GPC6: variants seen among roughly 807,000 people sequenced by gnomAD.
The protein encoded by GPC6 is glypican 6.
In GPC6, 14 loss-of-function variants were observed where a neutral mutation model predicts 55.2. That is an observed-to-expected ratio of 0.25 (90% confidence interval 0.17 to 0.40). The LOEUF is 0.40. GPC6 is among the 10% of genes least tolerant of loss of function. The probability of loss-of-function intolerance (pLI) is 1.00; values close to 1 mark genes in which losing one functional copy is unlikely to be tolerated. For missense variants in GPC6, 641 were observed against 708.5 expected, an observed-to-expected ratio of 0.90 and a Z score of 1.08; for synonymous variants, 278 against 259.6, an observed-to-expected ratio of 1.07 and a Z score of -0.68.
intron 1 of GPC6, among the ~76,000 whole-genome samples, chr13:93,502,538 AC>A (rs1880560827): frequency 6.6e-6 from 1 of 152,138 alleles, no homozygotes; most frequent in Non-Finnish European, 1.5e-5. Flanking sequence ...ATGTGAAATT[AC>A]CAAGATGTGT....
intron 4 of GPC6, among the ~76,000 whole-genome samples, chr13:94,065,140 C>T (rs904510065): frequency 4.6e-5 from 7 of 152,184 alleles, no homozygotes; most frequent in East Asian, 1.9e-4. Context: ...AATCCTCACA[C>T]GGCTTTGTAG....
intron 1 of GPC6, among the ~76,000 whole-genome samples, chr13:93,246,723 C>T (rs925385320): frequency 2.0e-4 from 25 of 124,892 alleles, no homozygotes; most frequent in Admixed American, 1.3e-3. Flanking sequence ...ACCCCAGAGG[C>T]GGAGCTTGCA....
At chr13:93,996,979 GA>G (rs979192335) in intron 3 of GPC6, among the ~76,000 whole-genome samples, 1 of 152,134 alleles carries the variant, frequency 6.6e-6, no homozygotes, top group Non-Finnish European at 1.5e-5. Flanking sequence ...CCTCATGAGT[GA>G]AATAATGGAA....
chr13:94,140,393 G>A (rs1410384483), intron 4 of GPC6, among the ~76,000 whole-genome samples: 1 of 152,160 alleles, frequency 6.6e-6, no homozygotes, highest in Non-Finnish European at 1.5e-5. Context: ...AGTTGCATAT[G>A]CCATGTTTAA....
intron 1 of GPC6, among the ~76,000 whole-genome samples, chr13:93,415,031 C>T (rs776711562): frequency 2.0e-5 from 3 of 152,070 alleles, no homozygotes; most frequent in South Asian, 2.1e-4. Flanking sequence ...TGATAGCCTC[C>T]GGGGCTTTTT....
At chr13:94,103,642 A>G (rs1885946863) in intron 4 of GPC6, among the ~76,000 whole-genome samples, 2 of 152,152 alleles carry the variant, frequency 1.3e-5, no homozygotes, top group African/African-American at 4.8e-5. Context: ...AGCAGTGATG[A>G]TGAGCATTTT....
chr13:93,814,628 A>G (rs1886793033), intron 2 of GPC6, among the ~76,000 whole-genome samples: 1 of 152,226 alleles, frequency 6.6e-6, no homozygotes, highest in Non-Finnish European at 1.5e-5. Flanking sequence ...CTGAACCAGA[A>G]CCTGGCTTGG....
intron 7 of GPC6, among the ~76,000 whole-genome samples, chr13:94,389,044 T>A (rs1880532217): frequency 6.6e-6 from 1 of 152,340 alleles, no homozygotes; most frequent in East Asian, 1.9e-4. Flanking sequence ...CAGGAGCAAG[T>A]GTAATTTCTA....
chr13:93,839,423 C>T (rs1421003609), intron 3 of GPC6, among the ~76,000 whole-genome samples: 2 of 152,018 alleles, frequency 1.3e-5, no homozygotes, highest in Admixed American at 6.6e-5. Flanking sequence ...TATGTGTGAG[C>T]GGCATATTAG....
chr13:94,250,190 C>G (rs998547877), intron 4 of GPC6, among the ~76,000 whole-genome samples: 1 of 152,108 alleles, frequency 6.6e-6, no homozygotes, highest in African/African-American at 2.4e-5. Context: ...GAATGTGCAG[C>G]AAACACTTTA....
intron 8 of GPC6, among the ~76,000 whole-genome samples, chr13:94,401,570 C>T (rs184836699): frequency 4.6e-5 from 7 of 152,126 alleles, no homozygotes; most frequent in Admixed American, 1.3e-4. Context: ...TGTCAAGGGC[C>T]GTATATTAAA....
intron 3 of GPC6, among the ~76,000 whole-genome samples, chr13:93,955,287 A>C (rs556314140): frequency 7.4e-6 from 1 of 135,396 alleles, no homozygotes; most frequent in South Asian, 2.4e-4. Context: ...ACACACACAC[A>C]CCTGCCAAAC....
At chr13:93,902,203 T>C (rs746511221) in intron 3 of GPC6, among the ~76,000 whole-genome samples, 1 of 152,050 alleles carries the variant, frequency 6.6e-6, no homozygotes, top group Admixed American at 6.6e-5. Flanking sequence ...TTGACCAGTC[T>C]CTCCCCATTC....
intron 4 of GPC6, among the ~76,000 whole-genome samples, chr13:94,213,158 A>AAAAC (rs965484522): frequency 1.1e-4 from 17 of 152,304 alleles, no homozygotes; most frequent in African/African-American, 2.9e-4. Context: ...TGTGTCTCAA[A>AAAAC]AAACAAACAA....
At chr13:93,439,546 C>A (rs1238271805) in intron 1 of GPC6, among the ~76,000 whole-genome samples, 1 of 151,960 alleles carries the variant, frequency 6.6e-6, no homozygotes, top group Admixed American at 6.6e-5. Flanking sequence ...AATCCTCTTT[C>A]TTTTATAAAT....
At chr13:94,229,396 A>T (rs1890652560) in intron 4 of GPC6, among the ~76,000 whole-genome samples, 1 of 152,162 alleles carries the variant, frequency 6.6e-6, no homozygotes, top group Non-Finnish European at 1.5e-5. Context: ...GAGAATATTT[A>T]TTGGTGTTTG....
chr13:93,229,458 G>A (rs1875934361), intron 1 of GPC6, among the ~76,000 whole-genome samples: 1 of 152,126 alleles, frequency 6.6e-6, no homozygotes, highest in South Asian at 2.1e-4. Context: ...TTCTTTAGAG[G>A]ATAATGGGAC....
At chr13:93,500,626 A>G (rs77244346) in intron 1 of GPC6, among the ~76,000 whole-genome samples, 176 of 152,274 alleles carry the variant, frequency 1.2e-3, no homozygotes, top group African/African-American at 4.1e-3. Context: ...TTTGGAACCA[A>G]ATCAATGCAT....
chr13:93,861,128 A>G (rs745907270), intron 3 of GPC6, among the ~76,000 whole-genome samples: 1 of 151,576 alleles, frequency 6.6e-6, no homozygotes, highest in Admixed American at 6.6e-5. Context: ...TTGTCTGGCC[A>G]CAATATACAT....
Sources: gnomAD v4.1 joint callset for allele counts (sites outside exome capture counted in the v4.1 genomes callset) on GRCh38, gnomAD v4.1.1 for gene constraint, MANE v1.5 for transcripts, NCBI Gene and HGNC (gene_info 2026-07-23, HGNC 2026-07-21) for gene names.